The following CYSLTR1 variants were observed in gnomAD, a reference collection of about 807,000 sequenced individuals.
CYSLTR1 encodes the protein G-protein coupled receptor HG55.
A neutral mutation model predicts 2.1 loss-of-function variants in CYSLTR1; 1 was observed. That is an observed-to-expected ratio of 0.48 (90% CI 0.17 to 2.28). The LOEUF is 2.28. CYSLTR1 is among the 30% of genes most tolerant of loss of function. CYSLTR1 has a pLI of 0.26. For synonymous variants in CYSLTR1, 110 were observed against 89.6 expected (o/e 1.23, Z -1.28); for missense variants, 299 against 250.1 (o/e 1.20, Z -1.32).
intron 1 of CYSLTR1, among the ~76,000 whole-genome samples, chrX:78,316,304 C>T (rs772023254): frequency 8.9e-6 from 1 of 112,099 alleles, no homozygotes; most frequent in African/African-American, 3.2e-5. Context: ...AAGTTTCCAA[C>T]TGGATTTTGC....
At chrX:78,319,576 T>C (rs377038707) in intron 1 of CYSLTR1, 6 of 109,746 alleles carry the variant, frequency 5.5e-5, no homozygotes, top group Admixed American at 1.9e-4. Context: ...AATAAACATA[T>C]GTGTGCATGT....
At chrX:78,277,752 A>G (rs1921659713) in intron 2 of CYSLTR1, among the ~76,000 whole-genome samples, 1 of 111,827 alleles carries the variant, frequency 8.9e-6, no homozygotes, top group African/African-American at 3.3e-5. Context: ...ATCAAATAAT[A>G]TAAAAGCAAA....
intron 1 of CYSLTR1, chrX:78,319,627 C>A: frequency 9.0e-6 from 1 of 111,338 alleles, no homozygotes. Flanking sequence ...TGGGTATATA[C>A]CCAGTAATGG....
At chrX:78,318,673 T>C (rs1923515827) in intron 1 of CYSLTR1, among the ~76,000 whole-genome samples, 1 of 112,261 alleles carries the variant, frequency 8.9e-6, no homozygotes, top group South Asian at 3.6e-4. Flanking sequence ...TCTTGTCCTT[T>C]AAAAAATTTC....
At chrX:78,274,570 A>T (rs955028446) in intron 2 of CYSLTR1, among the ~76,000 whole-genome samples, 1 of 111,803 alleles carries the variant, frequency 8.9e-6, no homozygotes, top group African/African-American at 3.3e-5. Context: ...CCTTATATAA[A>T]AAGTAATTCA....
At chrX:78,304,938 A>G (rs1027433745) in intron 1 of CYSLTR1, among the ~76,000 whole-genome samples, 2 of 111,703 alleles carry the variant, frequency 1.8e-5, no homozygotes, top group African/African-American at 6.5e-5. Flanking sequence ...TCTCCCTGTA[A>G]TCGGTTACAG....
At chrX:78,303,722 A>G (rs1343451895) in intron 1 of CYSLTR1, among the ~76,000 whole-genome samples, 3 of 112,119 alleles carry the variant, frequency 2.7e-5, no homozygotes, top group Non-Finnish European at 5.6e-5. Flanking sequence ...TGCGTGGACA[A>G]AGACAATAAA....
intron 1 of CYSLTR1, among the ~76,000 whole-genome samples, chrX:78,300,071 A>G (rs1922752651): frequency 9.0e-6 from 1 of 111,719 alleles, no homozygotes; most frequent in Non-Finnish European, 1.9e-5. Context: ...CAATTCTGCT[A>G]TTAAAAGACT....
Position 78,272,454 on chromosome X carries a change from G to T in CYSLTR1, c.*279C>A. The T allele has an allele frequency of 5.2e-6, 1 of 193,863 alleles. No individual in the cohort carries two copies. Among genetic ancestry groups the T allele is most frequent in the Admixed American group, 7.4e-5 (1 of 13,585 alleles). 16.0% of individuals were successfully genotyped at this position (193,863 alleles called of 1,213,427 possible). On this transcript the variant is annotated 3_prime_UTR_variant, in exon 3 of 3. Coordinates refer to ENST00000373304, the MANE Select transcript of CYSLTR1 (RefSeq NM_006639.4). Reference sequence around the variant, plus strand: ...TTTGAAGAGGAAAACTTTAATATAAGACATATTTTATAGTGCAAAGATAAA... The same window carrying T: ...TTTGAAGAGGAAAACTTTAATATAATACATATTTTATAGTGCAAAGATAAA...
chrX:78,294,260 C>G (rs192614059), intron 1 of CYSLTR1, among the ~76,000 whole-genome samples: 2 of 112,618 alleles, frequency 1.8e-5, no homozygotes, highest in African/African-American at 6.4e-5. Context: ...CCACTCCAGA[C>G]GCTGTTTGCC....
chrX:78,285,229 G>A (rs1461795381), intron 1 of CYSLTR1, among the ~76,000 whole-genome samples: 1 of 109,883 alleles, frequency 9.1e-6, no homozygotes, highest in Non-Finnish European at 1.9e-5. Context: ...TCAGGAGATA[G>A]GAACCACGGT....
Position 78,273,430 on chromosome X carries a change from T to C in CYSLTR1, c.317A>G (p.Asn106Ser), listed in dbSNP as rs201566327. Residue 106 changes from asparagine to serine, a missense_variant, in exon 3 of 3, where the codon AAC (asparagine) becomes AGC (serine). Physicochemically the swap from Asn to Ser is conservative, Grantham distance 46 (BLOSUM62 1). Transcript: ENST00000373304. ...CATAAAGAAGATGCTACAATAGAGG[T>C]TGACATACAAAGCATAGGTGCTGAG... ...CRLSTYALYVNLYCSIFFMTA... is the reference protein window; with the variant it reads ...CRLSTYALYVSLYCSIFFMTA... 5 of 1,209,092 alleles carry C rather than the reference T, an allele frequency of 4.1e-6. No individual in the cohort carries two copies. Among genetic ancestry groups the C allele is most frequent in the Non-Finnish European group, 5.6e-6 (5 of 894,899 alleles).
intron 1 of CYSLTR1, chrX:78,319,528 G>T (rs1399587892): frequency 9.1e-6 from 1 of 109,930 alleles, no homozygotes; most frequent in Non-Finnish European, 1.9e-5. Flanking sequence ...TGGACATTTG[G>T]GTTGGTTCCA....
intron 1 of CYSLTR1, among the ~76,000 whole-genome samples, chrX:78,285,994 C>A (rs1922054449): frequency 8.9e-6 from 1 of 111,839 alleles, no homozygotes; most frequent in Non-Finnish European, 1.9e-5. Context: ...ATCTTTTATT[C>A]GGCTCATGTT....
intron 1 of CYSLTR1, among the ~76,000 whole-genome samples, chrX:78,285,976 C>A (rs1922053355): frequency 8.9e-6 from 1 of 111,866 alleles, no homozygotes; most frequent in South Asian, 3.7e-4. Flanking sequence ...AATTCACGAA[C>A]TACTCAGATC....
In CYSLTR1 at chrX:78,272,865, T is replaced by C. The variant is rs202034689; in HGVS notation, c.882A>G (p.Leu294=). 25 of 1,209,037 alleles carry C rather than the reference T, an allele frequency of 2.1e-5. No homozygotes were observed. Among genetic ancestry groups the C allele is most frequent in the Middle Eastern group, 2.3e-4 (1 of 4,371 alleles). ...TAAAGTTACCCCCAGAAAAGAAATA[T>C]AGGAGAGGGTCAAAGCAACAATTGG... is the stretch of plus-strand genomic sequence containing the variant. ...AASNCCFDPL[L]YFFSGGNFRK... is the part of the protein sequence containing the mutation. The change falls in exon 3 of 3, where the codon CTA becomes CTG. Residue 294 remains leucine, a synonymous_variant. Coordinates refer to ENST00000373304, the MANE Select transcript of CYSLTR1 (RefSeq NM_006639.4).
rs770248841 is a variant in CYSLTR1, at chrX:78,273,688, T to C, written c.59A>G (p.Asp20Gly). Residue 20 changes from aspartate (D) to glycine (G), a missense_variant, in exon 3 of 3, where the codon GAC (aspartate) becomes GGC (glycine). Asp to Gly is a moderately conservative substitution (Grantham distance 94, BLOSUM62 -1). Transcript: ENST00000373304. Reference sequence around the variant, plus strand: ...GGTGGAATACACTTGATTGCGGAAGTCATCAATAGTGTCATGGCATGTGGC... The same window carrying C: ...GGTGGAATACACTTGATTGCGGAAGCCATCAATAGTGTCATGGCATGTGGC... ...SSATCHDTID[D>G]FRNQVYSTLY... The C allele has an allele frequency of 1.7e-6, 2 of 1,208,361 alleles. No homozygotes were observed. The highest frequency in any genetic ancestry group is 3.5e-5 in the African/African-American group (2 of 57,256).
intron 1 of CYSLTR1, among the ~76,000 whole-genome samples, chrX:78,300,464 G>A (rs1385772878): frequency 1.8e-5 from 2 of 112,880 alleles, no homozygotes; most frequent in Non-Finnish European, 3.7e-5. Context: ...ATATTTGAGA[G>A]CACTTGGGTG....
Position 78,289,127 on chromosome X carries a change from C to T in CYSLTR1, c.-114-5587G>A, listed in dbSNP as rs181694398. Reference sequence around the variant, plus strand: ...ATCCCTCCCCCAGCCCTCCACCCCCCGACAGGCCCTGGTGTGTGATGTTCC... The same window carrying T: ...ATCCCTCCCCCAGCCCTCCACCCCCTGACAGGCCCTGGTGTGTGATGTTCC... On this transcript the variant is annotated intron_variant, in intron 1 of 2. Transcript: ENST00000373304. Among the ~76,000 whole-genome samples the T allele has an allele frequency of 4.2e-3, 463 of 109,379 alleles. 3 individuals carry two copies. The highest frequency in any genetic ancestry group is 7.0e-3 in the Non-Finnish European group (369 of 52,454). 95.0% of individuals were successfully genotyped at this position (109,379 alleles called of 115,157 possible).
Sources: gnomAD v4.1 joint callset for allele counts (sites outside exome capture counted in the v4.1 genomes callset) on GRCh38, gnomAD v4.1.1 for gene constraint, MANE v1.5 for transcripts, NCBI Gene and HGNC (gene_info 2026-07-23, HGNC 2026-07-21) for gene names.